NLGN1: variants seen among roughly 807,000 people sequenced by gnomAD.
The protein encoded by NLGN1 is neuroligin 1.
In NLGN1, 12 loss-of-function variants were observed where a neutral mutation model predicts 65.5. That is an observed-to-expected ratio of 0.18 (90% CI 0.12 to 0.30). The LOEUF is 0.30. NLGN1 is among the 10% of genes least tolerant of loss of function. NLGN1 has a pLI of 1.00. For synonymous variants in NLGN1, 350 were observed against 359.5 expected (o/e 0.97, Z 0.30); for missense variants, 750 against 1,007.1 (o/e 0.74, Z 3.46).
chr3:173,442,172 A>G (rs909066830), intron 2 of NLGN1, among the ~76,000 whole-genome samples: 4 of 152,162 alleles, frequency 2.6e-5, no homozygotes, highest in African/African-American at 7.2e-5. Context: ...GCAGTTTTCA[A>G]TGTGCAGTGA....
chr3:173,748,356 A>T (rs114043249), intron 3 of NLGN1, among the ~76,000 whole-genome samples: 16 of 152,094 alleles, frequency 1.1e-4, no homozygotes, highest in African/African-American at 3.9e-4. Flanking sequence ...GGAAGTTGCA[A>T]TGGAGAAATA....
chr3:173,759,781 T>C (rs183567216), intron 3 of NLGN1, among the ~76,000 whole-genome samples: 1 of 151,996 alleles, frequency 6.6e-6, no homozygotes, highest in African/African-American at 2.4e-5. Context: ...TTCTTATCAA[T>C]TTTTAAATCT....
intron 4 of NLGN1, among the ~76,000 whole-genome samples, chr3:174,206,390 G>T (rs1442027820): frequency 6.6e-6 from 1 of 152,074 alleles, no homozygotes; most frequent in Non-Finnish European, 1.5e-5. Flanking sequence ...TCAATCCTTG[G>T]CAAAACTGAA....
chr3:174,252,683 TTCTTTA>T (rs1314620652), intron 4 of NLGN1, among the ~76,000 whole-genome samples: 2 of 152,214 alleles, frequency 1.3e-5, no homozygotes, highest in Non-Finnish European at 2.9e-5. Context: ...ATTCTTTACA[TTCTTTA>T]TCTTTAAGAC....
At chr3:174,270,810 A>G (rs1749258480) in intron 4 of NLGN1, among the ~76,000 whole-genome samples, 1 of 151,892 alleles carries the variant, frequency 6.6e-6, no homozygotes, top group African/African-American at 2.4e-5. Flanking sequence ...GTTAGCACAT[A>G]GGATTTCGAG....
intron 2 of NLGN1, among the ~76,000 whole-genome samples, chr3:173,469,887 T>C (rs1725036904): frequency 6.6e-6 from 1 of 151,788 alleles, no homozygotes; most frequent in African/African-American, 2.4e-5. Context: ...TACATATGCT[T>C]ACTCCAGTTC....
intron 4 of NLGN1, among the ~76,000 whole-genome samples, chr3:174,234,413 G>A (rs982376108): frequency 1.3e-5 from 2 of 152,144 alleles, no homozygotes; most frequent in African/African-American, 4.8e-5. Flanking sequence ...GGAAGCATGT[G>A]CAGTGTGTTT....
rs796351866 is a variant in NLGN1 at position 173,539,683 on chromosome 3, C to T, written c.-320-64596C>T. ...TGTATATATGCACATATATAACATACATATATGTACATATGCACATATATA... is the reference window on the plus strand; with the variant it reads ...TGTATATATGCACATATATAACATATATATATGTACATATGCACATATATA... On this transcript the variant is annotated intron_variant, in intron 2 of 6. Transcript: ENST00000457714. Among the ~76,000 whole-genome samples the T allele has an allele frequency of 7.0e-3, 700 of 100,232 alleles. 27 individuals are homozygous for T. In the South Asian group the frequency reaches 0.083, roughly 12 times the overall value. 65.8% of individuals were successfully genotyped at this position (100,232 alleles called of 152,430 possible). A position where few individuals can be genotyped will look rare whatever the true frequency, so the allele number is the denominator to read the frequency against.
In NLGN1 at chr3:174,197,518, C is replaced by CAAAAA. The variant is rs10663769; in HGVS notation, c.647-77782_647-77778dup. ...TTTCTTGAGCTACGGTACTTAACCT[C>CAAAAA]AAAAAAAAAAAAAAAAAAAGGAGAA... On this transcript the variant is annotated intron_variant, in intron 4 of 6. Coordinates refer to ENST00000457714, the Ensembl canonical transcript of NLGN1. 3.5e-4 allele frequency among the ~76,000 whole-genome samples: 35 copies of CAAAAA among 100,398 alleles called. 1 individual carries two copies. Among genetic ancestry groups the CAAAAA allele is most frequent in the African/African-American group, 1.1e-3 (26 of 23,968 alleles). 65.9% of individuals were successfully genotyped at this position (100,398 alleles called of 152,430 possible).
At chr3:173,421,169 A>G (rs745844392) in intron 1 of NLGN1, among the ~76,000 whole-genome samples, 37 of 152,228 alleles carry the variant, frequency 2.4e-4, no homozygotes, top group Admixed American at 6.5e-4. Context: ...CTATTTCTCA[A>G]ATTTTTTAAA....
intron 2 of NLGN1, chr3:173,585,089 G>C (rs1577392440): frequency 6.6e-6 from 1 of 152,428 alleles, no homozygotes; most frequent in Middle Eastern, 3.4e-3. Flanking sequence ...GTGCCACTGC[G>C]CGGAAGGTGA....
At chr3:173,964,095 G>T (rs946782353) in intron 4 of NLGN1, among the ~76,000 whole-genome samples, 1 of 152,188 alleles carries the variant, frequency 6.6e-6, no homozygotes, top group Non-Finnish European at 1.5e-5. Context: ...AGAATCAAGA[G>T]AAGACTTTTA....
chr3:173,689,535 T>C (rs1765156180), intron 3 of NLGN1, among the ~76,000 whole-genome samples: 1 of 152,160 alleles, frequency 6.6e-6, no homozygotes, highest in South Asian at 2.1e-4. Context: ...CCCCACAGTC[T>C]TTTCCTGTAG....
At chr3:173,565,228 T>G (rs1297774927) in intron 2 of NLGN1, among the ~76,000 whole-genome samples, 1 of 152,144 alleles carries the variant, frequency 6.6e-6, no homozygotes, top group Non-Finnish European at 1.5e-5. Context: ...CAGTAGTCAG[T>G]TCCAGGCACC....
At chr3:174,102,933 A>G (rs1165058485) in intron 4 of NLGN1, among the ~76,000 whole-genome samples, 1 of 152,174 alleles carries the variant, frequency 6.6e-6, no homozygotes, top group Non-Finnish European at 1.5e-5. Flanking sequence ...TTGAACTGGT[A>G]ATGAGATTCC....
At chr3:174,029,945 T>C (rs1729618799) in intron 4 of NLGN1, among the ~76,000 whole-genome samples, 1 of 152,166 alleles carries the variant, frequency 6.6e-6, no homozygotes, top group South Asian at 2.1e-4. Context: ...ACCTCTTTCC[T>C]TTATAAATTA....
intron 2 of NLGN1, among the ~76,000 whole-genome samples, chr3:173,467,164 T>C (rs1724505754): frequency 6.6e-6 from 1 of 152,138 alleles, no homozygotes; most frequent in Non-Finnish European, 1.5e-5. Context: ...TTTAATCAAA[T>C]ATATGTTACA....
chr3:174,250,651 G>A (rs1744598692), intron 4 of NLGN1, among the ~76,000 whole-genome samples: 1 of 152,078 alleles, frequency 6.6e-6, no homozygotes, highest in South Asian at 2.1e-4. Context: ...AAGGGAGAAG[G>A]AGGTCATATT....
intron 4 of NLGN1, among the ~76,000 whole-genome samples, chr3:173,909,768 T>A (rs1462643975): frequency 6.6e-6 from 1 of 152,100 alleles, no homozygotes; most frequent in Non-Finnish European, 1.5e-5. Flanking sequence ...AACCTCCACC[T>A]CCCAGGTTCA....
Sources: allele counts gnomAD v4.1 joint callset (sites outside exome capture counted in the v4.1 genomes callset), GRCh38; gene constraint gnomAD v4.1.1; transcripts MANE v1.5; gene names NCBI Gene and HGNC (gene_info 2026-07-23, HGNC 2026-07-21).